MVP: variants seen among roughly 807,000 people sequenced by gnomAD.
The protein encoded by MVP is lung resistance-related protein.
Under a neutral mutation model 83.5 loss-of-function variants are expected in MVP, and 62 were observed. That is an observed-to-expected ratio of 0.74 (90% CI 0.61 to 0.92). MVP has a LOEUF of 0.92. Among genes scored for constraint, MVP ranks in the 40% least tolerant of loss-of-function variants. MVP has a pLI of 0.00. For synonymous variants in MVP, 505 were observed against 504.1 expected (o/e 1.00, Z -0.02); for missense variants, 1,000 against 1,203.4 (o/e 0.83, Z 2.50).
At position 29,823,926 on chromosome 16, in the gene MVP, G is replaced by A. The variant is rs540414200; in HGVS notation, c.-36+3416G>A. On this transcript the variant is annotated intron_variant, in intron 1 of 14. Transcript: ENST00000357402. Reference sequence around the variant, plus strand: ...AGACCAATTAAATAGAATCACCGGAGATGGGTGGCTTTAAAAAAAGGTCTC... The same window carrying A: ...AGACCAATTAAATAGAATCACCGGAAATGGGTGGCTTTAAAAAAAGGTCTC... Among the ~76,000 whole-genome samples the A allele has an allele frequency of 9.1e-4, 138 of 151,720 alleles. 1 individual carries two copies. Among genetic ancestry groups the A allele is most frequent in the African/African-American group, 3.1e-3 (130 of 41,404 alleles).
chr16:29,841,589 TC>T lies in MVP; in HGVS notation c.1192-4del, dbSNP rs2067534933. 3.8e-6 allele frequency: 6 copies of T among 1,579,816 alleles called. No individual in the cohort carries two copies. Among genetic ancestry groups the T allele is most frequent in the Non-Finnish European group, 5.2e-6 (6 of 1,160,720 alleles). ...CGGGCAGCTTCCCTCCCTGTCCTCG[TC>T]CCAAGGTGCGCGCTGTGATTGGAAG... On this transcript the variant is annotated splice_polypyrimidine_tract_variant and splice_region_variant and intron_variant, in intron 8 of 14. Transcript: ENST00000357402. This position sits in a 1 kb window ranked among gnomAD's most constrained non-coding sequence, Gnocchi z 4.7.
chr16:29,831,550 C>G (rs1326087434), intron 3 of MVP: 2 of 453,616 alleles, frequency 4.4e-6, no homozygotes, highest in African/African-American at 4.0e-5. Context: ...ACTCACTGTA[C>G]CTCCACTCAC....
chr16:29,841,644 C>A lies in MVP; in HGVS notation c.1240C>A (p.Leu414Met). ...STYMLTQDEV[L>M]WEKELPPGVE... Reference sequence around the variant, plus strand: ...CTACATGCTGACCCAGGACGAAGTCCTGTGGGAGAAAGAGCTGCCTCCCGG... The same window carrying A: ...CTACATGCTGACCCAGGACGAAGTCATGTGGGAGAAAGAGCTGCCTCCCGG... Residue 414 changes from leucine (L) to methionine (M), a missense_variant, in exon 9 of 15, where the codon CTG becomes ATG. Coordinates refer to ENST00000357402, the MANE Select transcript of MVP (RefSeq NM_005115.5). This position sits in a 1 kb window ranked among gnomAD's most constrained non-coding sequence, Gnocchi z 4.7. 1 of 1,612,374 alleles carries A rather than the reference C, an allele frequency of 6.2e-7. No homozygotes were observed. Among genetic ancestry groups the A allele is most frequent in the Non-Finnish European group, 8.5e-7 (1 of 1,179,566 alleles).
intron 1 of MVP, among the ~76,000 whole-genome samples, chr16:29,826,621 C>CA (rs35848068): frequency 0.45 from 39,264 of 87,758 alleles, 8,329 homozygotes; most frequent in Non-Finnish European, 0.53. Flanking sequence ...GACCTTATCT[C>CA]AAAAAAAAAA....
intron 3 of MVP, chr16:29,831,901 A>G: frequency 2.9e-6 from 1 of 339,134 alleles, no homozygotes; most frequent in East Asian, 8.1e-5. Context: ...CTGTTCTTCC[A>G]CCTTTACCTT....
chr16:29,836,947 C>G lies in MVP; in HGVS notation c.898C>G (p.Arg300Gly), dbSNP rs201515105. Residue 300 changes from arginine (R) to glycine (G), a missense_variant, in exon 7 of 15, where the codon CGC becomes GGC. Transcript: ENST00000357402. ...PDGKNQLGQKRVVKGEKSFFL... is the reference protein window; with the variant it reads ...PDGKNQLGQKGVVKGEKSFFL... ...TGGCAAGAATCAGCTGGGGCAGAAGCGCGTGGTCAAGGTGAGGTCCCTACA... is the reference window on the plus strand; with the variant it reads ...TGGCAAGAATCAGCTGGGGCAGAAGGGCGTGGTCAAGGTGAGGTCCCTACA... 1.1e-4 allele frequency: 176 copies of G among 1,611,708 alleles called. No homozygotes were observed. Among genetic ancestry groups the G allele is most frequent in the Non-Finnish European group, 1.4e-4 (169 of 1,178,748 alleles).
Position 29,835,711 on chromosome 16 carries a change from A to ATGGC in MVP, c.589_592dup (p.Val198AlafsTer14). On this transcript the variant is annotated frameshift_variant, in exon 6 of 15. Transcript: ENST00000357402. LOFTEE classifies it high-confidence loss of function. The stretch of plus-strand genomic sequence containing the variant: ...CCTCCACTCTTGGCCCAGGGGAAGA[A>ATGGC]TGGCTGGTCACCACAGTAGGGGCGT... 1 of 1,613,734 alleles carries ATGGC rather than the reference A, an allele frequency of 6.2e-7. No homozygotes were observed.
intron 13 of MVP, 129 bp downstream of exon 13, chr16:29,846,413 T>C: frequency 3.7e-6 from 5 of 1,335,880 alleles, no homozygotes; most frequent in Non-Finnish European, 5.0e-6. Flanking sequence ...ACTTTGCATT[T>C]GCAAAGTCCT....
chr16:29,836,787 G>A lies in MVP; in HGVS notation c.738G>A (p.Gly246=). The A allele has an allele frequency of 6.2e-7, 1 of 1,613,352 alleles. No individual in the cohort carries two copies. Among genetic ancestry groups the A allele is most frequent in the Non-Finnish European group, 8.5e-7 (1 of 1,179,578 alleles). Residue 246 remains glycine (G), a synonymous_variant, in exon 7 of 15, where the codon GGG becomes GGA. Coordinates refer to ENST00000357402, the MANE Select transcript of MVP (RefSeq NM_005115.5). The part of the protein sequence containing the change: ...RDFRGVSRRT[G]EEWLVTVQDT... The stretch of plus-strand genomic sequence containing the variant: ...TCAGGGGAGTGTCCCGCCGCACTGG[G>A]GAGGAGTGGCTGGTAACAGTGCAGG...
At chr16:29,826,320 A>G (rs947007915) in intron 1 of MVP, among the ~76,000 whole-genome samples, 6 of 152,216 alleles carry the variant, frequency 3.9e-5, no homozygotes, top group African/African-American at 1.4e-4. Context: ...CACTGATCCC[A>G]TAAGGGTGAG....
intron 3 of MVP, among the ~76,000 whole-genome samples, chr16:29,831,381 C>G (rs1189208453): frequency 6.6e-6 from 1 of 152,056 alleles, no homozygotes; most frequent in Non-Finnish European, 1.5e-5. Flanking sequence ...CTCAAACTCC[C>G]GACCCCAGGT....
intron 1 of MVP, among the ~76,000 whole-genome samples, chr16:29,825,504 T>C (rs376032894): frequency 1.3e-5 from 2 of 152,198 alleles, no homozygotes; most frequent in Admixed American, 1.3e-4. Flanking sequence ...CCTCCATAGA[T>C]GGCGAGGGTA....
rs145249252 is a variant in MVP at position 29,841,915 on chromosome 16, C to T, written c.1437C>T (p.Arg479=). ...CTCTGACCCTCGGCTGTCTCTGCAG[C>T]GTGGTCTTCGGGCCTGAGCTGGTGT... ...QVYDYREKRA[R]VVFGPELVSL... is the part of the protein sequence containing the mutation. Residue 479 remains arginine (R), a splice_region_variant and synonymous_variant, in exon 10 of 15, where the codon CGC becomes CGT. Transcript: ENST00000357402. The surrounding 1 kb of genome is among the most constrained non-coding windows in gnomAD (Gnocchi z 4.7). 2.5e-6 allele frequency: 4 copies of T among 1,611,988 alleles called. No individual in the cohort carries two copies. The highest frequency in any genetic ancestry group is 1.1e-5 in the South Asian group (1 of 91,080).
chr16:29,845,199 G>GAA lies in MVP; in HGVS notation c.2021+335_2021+336dup, dbSNP rs71373207. ...CTGGGAGACTGACCCTGTCTCAAAA[G>GAA]AAAAAAAAAAAAAAAAGCACGTATC... On this transcript the variant is annotated intron_variant, in intron 11 of 14. Transcript: ENST00000357402. 1.7e-3 allele frequency among the ~76,000 whole-genome samples: 173 copies of GAA among 100,960 alleles called. 1 individual carries two copies. Among genetic ancestry groups the GAA allele is most frequent in the African/African-American group, 4.9e-3 (153 of 31,370 alleles). 66.2% of individuals were successfully genotyped at this position (100,960 alleles called of 152,430 possible).
At chr16:29,839,930 G>T (rs143906687) in intron 7 of MVP, among the ~76,000 whole-genome samples, 1 of 152,078 alleles carries the variant, frequency 6.6e-6, no homozygotes, top group Non-Finnish European at 1.5e-5. Flanking sequence ...TTTAGCTTGC[G>T]TGGATCCAGG....
intron 1 of MVP, chr16:29,821,317 G>T: frequency 6.6e-6 from 1 of 152,454 alleles, no homozygotes; most frequent in Non-Finnish European, 1.5e-5. Context: ...AACTCCCTTG[G>T]CACACAGAGC....
Position 29,847,396 on chromosome 16 carries a change from G to C in MVP, c.2454+11G>C. On this transcript the variant is annotated intron_variant, in intron 14 of 14. Coordinates refer to ENST00000357402, the MANE Select transcript of MVP (RefSeq NM_005115.5). The stretch of plus-strand genomic sequence containing the variant: ...GGGCCTGAGATGCAGGTGAGAGTTG[G>C]GGAAGGTGTGTTGGTTTCAGGACCA... 6.5e-7 allele frequency: 1 copy of C among 1,531,380 alleles called. No individual in the cohort carries two copies. Among genetic ancestry groups the C allele is most frequent in the Non-Finnish European group, 8.7e-7 (1 of 1,143,708 alleles). The allele number at this position is 1,531,380 out of a possible 1,614,324, so 94.9% of individuals were successfully genotyped here. A position where few individuals can be genotyped will look rare whatever the true frequency, so the allele number is the denominator to read the frequency against.
intron 2 of MVP, 77 bp downstream of exon 2, chr16:29,830,751 T>C: frequency 8.8e-6 from 14 of 1,581,942 alleles, no homozygotes; most frequent in Non-Finnish European, 1.2e-5. Flanking sequence ...GTCCTTATCC[T>C]CCTCCCTCTT....
intron 1 of MVP, among the ~76,000 whole-genome samples, chr16:29,823,863 G>C (rs962697613): frequency 2.5e-4 from 38 of 151,292 alleles, no homozygotes; most frequent in Non-Finnish European, 4.0e-4. Flanking sequence ...AAAAAATGAG[G>C]GAGAACTTTT....
Sources: allele counts gnomAD v4.1 joint callset (sites outside exome capture counted in the v4.1 genomes callset), GRCh38; gene constraint gnomAD v4.1.1; non-coding constraint Gnocchi (gnomAD v3.1); transcripts MANE v1.5; gene names NCBI Gene and HGNC (gene_info 2026-07-23, HGNC 2026-07-21).